The following C6 variants were observed in gnomAD, a reference collection of about 807,000 sequenced individuals.
C6 encodes complement component C6.
C6 carries 101 observed loss-of-function variants against 112.9 expected under a neutral mutation model. The ratio of observed to expected loss-of-function variants is 0.89; its 90% CI spans 0.76 to 1.06. The LOEUF is 1.06. C6 is among the 50% of genes least tolerant of loss of function. C6 has a pLI of 0.00. For synonymous variants in C6, 431 were observed against 384.1 expected (o/e 1.12, Z -1.43); for missense variants, 1,202 against 1,104.6 (o/e 1.09, Z -1.25).
intron 13 of C6, 149 bp downstream of exon 13, chr5:41,158,525 G>C (rs1291545410): frequency 4.5e-6 from 3 of 667,884 alleles, no homozygotes; most frequent in Non-Finnish European, 5.5e-6. Flanking sequence ...AGATGGAAGA[G>C]TGGCAAAGTG....
chr5:41,142,795 T>C lies in C6; in HGVS notation c.*30A>G. On this transcript the variant is annotated 3_prime_UTR_variant, in exon 18 of 18. Coordinates refer to ENST00000337836, the MANE Select transcript of C6 (RefSeq NM_000065.5). The stretch of plus-strand genomic sequence containing the variant: ...TTGGTTCTTCGGGATGGTAAATCTG[T>C]TCATTGTGCTGGGCCTAGCAGTAAT... The C allele has an allele frequency of 6.4e-7, 1 of 1,562,956 alleles. No individual in the cohort carries two copies. The highest frequency in any genetic ancestry group is 8.8e-7 in the Non-Finnish European group (1 of 1,133,742).
intron 4 of C6, among the ~76,000 whole-genome samples, chr5:41,197,442 C>T (rs1580168632): frequency 6.6e-6 from 1 of 151,944 alleles, no homozygotes; most frequent in South Asian, 2.1e-4. Context: ...AATAGAGAGG[C>T]TATTTATTAA....
At chr5:41,148,978 C>T (rs74955772) in intron 17 of C6, among the ~76,000 whole-genome samples, 8,519 of 152,202 alleles carry the variant, frequency 0.056, 298 homozygotes, top group Middle Eastern at 0.086. Context: ...GACAAGTGCT[C>T]TTCCCACTGG....
intron 1 of C6, among the ~76,000 whole-genome samples, chr5:41,228,173 G>A (rs1580228179): frequency 6.6e-6 from 1 of 151,950 alleles, no homozygotes; most frequent in Non-Finnish European, 1.5e-5. Context: ...TCAGTATACA[G>A]CTCTTTTACC....
Position 41,142,901 on chromosome 5 carries a change from T to C in C6, c.2729A>G (p.Asn910Ser). 2 of 1,613,596 alleles carry C rather than the reference T, an allele frequency of 1.2e-6. No individual in the cohort carries two copies. Among genetic ancestry groups the C allele is most frequent in the Non-Finnish European group, 1.7e-6 (2 of 1,179,654 alleles). ...TCTTATAGTTCCCACTTCACAGATGTTCAATGTTTTCTCACTTGTTGATGA... is the reference window on the plus strand; with the variant it reads ...TCTTATAGTTCCCACTTCACAGATGCTCAATGTTTTCTCACTTGTTGATGA... Reference protein sequence around the residue: ...MGSSTSEKTLNICEVGTIRCA... With the variant: ...MGSSTSEKTLSICEVGTIRCA... The change falls in exon 18 of 18, where the codon AAC (asparagine) becomes AGC (serine). Residue 910 changes from asparagine (N) to serine (S), a missense_variant. Coordinates refer to ENST00000337836, the MANE Select transcript of C6 (RefSeq NM_000065.5).
intron 4 of C6, among the ~76,000 whole-genome samples, chr5:41,197,932 A>G (rs146648837): frequency 5.0e-4 from 76 of 152,310 alleles, no homozygotes; most frequent in Admixed American, 6.5e-4. Flanking sequence ...ACATGCATGT[A>G]TACATTTACA....
intron 1 of C6, among the ~76,000 whole-genome samples, chr5:41,257,228 G>T (rs966907750): frequency 1.3e-5 from 2 of 151,978 alleles, no homozygotes; most frequent in African/African-American, 4.8e-5. Flanking sequence ...TTGTGTCCAC[G>T]TGTAAGCAAC....
At chr5:41,178,486 T>G (rs1580122429) in intron 7 of C6, among the ~76,000 whole-genome samples, 1 of 47,110 alleles carries the variant, frequency 2.1e-5, no homozygotes, top group South Asian at 7.1e-4. Context: ...TTTTTTTTTT[T>G]GTGAGATGGA....
Position 41,234,338 on chromosome 5 carries a change from G to GTT in C6, c.-21+26854_-21+26855dup, listed in dbSNP as rs544459678. ...GGATACTTTGTTATTCTACCCTTTCGTTTTTTTTTTTGTTTTTTGTTTTTT... is the reference window on the plus strand; with the variant it reads ...GGATACTTTGTTATTCTACCCTTTCGTTTTTTTTTTTTTGTTTTTTGTTTTTT... On this transcript the variant is annotated intron_variant, in intron 1 of 17. Transcript: ENST00000263413. 1.1e-3 allele frequency among the ~76,000 whole-genome samples: 138 copies of GTT among 127,756 alleles called. 1 individual carries two copies. The highest frequency in any genetic ancestry group is 3.9e-3 in the African/African-American group (132 of 34,190). 83.8% of individuals were successfully genotyped at this position (127,756 alleles called of 152,430 possible).
At chr5:41,160,888 T>C (rs774612205) in intron 10 of C6, among the ~76,000 whole-genome samples, 3 of 152,064 alleles carry the variant, frequency 2.0e-5, no homozygotes, top group Non-Finnish European at 4.4e-5. Context: ...AGAATTACAG[T>C]AACAAATAAT....
At chr5:41,149,129 A>G in intron 17 of C6, 112 bp downstream of exon 17, 1 of 1,328,848 alleles carries the variant, frequency 7.5e-7, no homozygotes, top group Non-Finnish European at 1.1e-6. Flanking sequence ...TTTTTTTTAC[A>G]ATGAAAAGGA....
At position 41,186,121 on chromosome 5, in the gene C6, C is replaced by T. The variant is rs377074495; in HGVS notation, c.675G>A (p.Arg225=). ...GGICKTVKSS[R]TSNPYRVPAN... ...CCGGAACACGGTATGGATTACTTGT[C>T]CTACTGCTTTTGACAGTTTTACATA... Residue 225 remains arginine (R), a synonymous_variant, in exon 6 of 18, where the codon AGG becomes AGA. Coordinates refer to ENST00000337836, the MANE Select transcript of C6 (RefSeq NM_000065.5). The T allele has an allele frequency of 3.7e-6, 6 of 1,613,980 alleles. No individual in the cohort carries two copies. Among genetic ancestry groups the T allele is most frequent in the East Asian group, 2.2e-5 (1 of 44,854 alleles).
At chr5:41,193,712 T>C (rs1383335478) in intron 5 of C6, among the ~76,000 whole-genome samples, 1 of 152,010 alleles carries the variant, frequency 6.6e-6, no homozygotes, top group African/African-American at 2.4e-5. Flanking sequence ...TGACTGATGT[T>C]GGCAATGTAG....
intron 5 of C6, among the ~76,000 whole-genome samples, chr5:41,194,829 C>T (rs747392564): frequency 1.8e-4 from 27 of 152,090 alleles, no homozygotes; most frequent in Non-Finnish European, 3.4e-4. Context: ...GAATTTAGAA[C>T]CCCTGGTAAA....
At chr5:41,214,646 A>G (rs1752131427), upstream of C6, among the ~76,000 whole-genome samples, 1 of 152,188 alleles carries the variant, frequency 6.6e-6, no homozygotes, top group Non-Finnish European at 1.5e-5. Context: ...GAAGATAAAC[A>G]GGAAAAGAAA....
chr5:41,258,779 C>T (rs997320779), intron 1 of C6, among the ~76,000 whole-genome samples: 7 of 152,054 alleles, frequency 4.6e-5, no homozygotes, highest in African/African-American at 9.7e-5. Flanking sequence ...ACAATCATGG[C>T]GGAAAGCAAC....
At chr5:41,190,352 C>A (rs34205640) in intron 5 of C6, among the ~76,000 whole-genome samples, 49,260 of 151,924 alleles carry the variant, frequency 0.32, 8,592 homozygotes, top group Non-Finnish European at 0.4. Context: ...TTCATTTTCC[C>A]GATGATTAGT....
intron 15 of C6, among the ~76,000 whole-genome samples, chr5:41,151,808 G>T (rs979559477): frequency 1.3e-5 from 2 of 151,832 alleles, no homozygotes; most frequent in Non-Finnish European, 2.9e-5. Context: ...AAGAACATAT[G>T]TGCAGAAGGT....
intron 1 of C6, among the ~76,000 whole-genome samples, chr5:41,210,140 G>A (rs949346500): frequency 6.6e-6 from 1 of 152,182 alleles, no homozygotes; most frequent in Non-Finnish European, 1.5e-5. Flanking sequence ...TTAATAAATG[G>A]TGTTGGGAAA....
Sources: allele counts gnomAD v4.1 joint callset (sites outside exome capture counted in the v4.1 genomes callset), GRCh38; gene constraint gnomAD v4.1.1; transcripts MANE v1.5; gene names NCBI Gene and HGNC (gene_info 2026-07-23, HGNC 2026-07-21).